EVI5: variants seen among roughly 807,000 people sequenced by gnomAD.
EVI5 encodes the protein ecotropic viral integration site 5 protein homolog.
A neutral mutation model predicts 112.0 loss-of-function variants in EVI5; 73 were observed. That is an observed-to-expected ratio of 0.65 (90% CI 0.54 to 0.79). EVI5 has a LOEUF of 0.79. Ranked by LOEUF, EVI5 falls within the 30% of genes least tolerant of loss-of-function variation. The pLI, the probability that EVI5 is intolerant of heterozygous loss-of-function variation, is 0.00. For missense variants in EVI5, 900 were observed against 968.8 expected (o/e 0.93, Z 0.94); for synonymous variants, 305 against 319.9 (o/e 0.95, Z 0.50).
intron 13 of EVI5, 35 bp downstream of exon 13, chr1:92,662,684 G>A (rs1664224967): frequency 2.6e-6 from 3 of 1,138,944 alleles, no homozygotes; most frequent in Non-Finnish European, 3.3e-6. Flanking sequence ...GAAGGGGGAT[G>A]AGAAAGATGA....
Position 92,637,607 on chromosome 1 carries a change from T to G in EVI5, c.1393-1271A>C, listed in dbSNP as rs561175858. ...TGTAATTCATCATTATAAAATACTT[T>G]CTAAAATAAATTGTCTATCACTTCA... On this transcript the variant is annotated intron_variant, in intron 13 of 19. Transcript: ENST00000684568. Among the ~76,000 whole-genome samples, 21 of 152,298 alleles carry G rather than the reference T, an allele frequency of 1.4e-4. No individual in the cohort carries two copies. The East Asian group carries it at 4.1e-3, about 29-fold the overall frequency.
intron 18 of EVI5, among the ~76,000 whole-genome samples, chr1:92,603,347 G>A (rs867635589): frequency 6.6e-6 from 1 of 152,064 alleles, no homozygotes; most frequent in African/African-American, 2.4e-5. Flanking sequence ...CCACTTCTAC[G>A]TACTCAAAAG....
At chr1:92,583,149 T>C (rs953851757) in intron 18 of EVI5, among the ~76,000 whole-genome samples, 10 of 152,048 alleles carry the variant, frequency 6.6e-5, no homozygotes, top group Admixed American at 5.2e-4. Context: ...TATTCCAGAG[T>C]ATAAATATAC....
At chr1:92,753,527 A>T (rs1356826410) in intron 1 of EVI5, among the ~76,000 whole-genome samples, 2 of 152,256 alleles carry the variant, frequency 1.3e-5, no homozygotes, top group Non-Finnish European at 2.9e-5. Context: ...AGGAATATGA[A>T]GAAATTATTA....
chr1:92,527,086 C>T (rs535145780), intron 19 of EVI5, among the ~76,000 whole-genome samples: 2 of 152,088 alleles, frequency 1.3e-5, no homozygotes, highest in South Asian at 2.1e-4. Context: ...ATAGCAAAAC[C>T]GCTTGAGAAA....
chr1:92,661,537 G>T (rs1188068038), intron 13 of EVI5, among the ~76,000 whole-genome samples: 3 of 151,746 alleles, frequency 2.0e-5, no homozygotes, highest in Non-Finnish European at 4.4e-5. Flanking sequence ...ACTTATTTCA[G>T]GTAAATTCCT....
At chr1:92,760,779 G>T (rs185175921) in intron 1 of EVI5, among the ~76,000 whole-genome samples, 1 of 150,252 alleles carries the variant, frequency 6.7e-6, no homozygotes, top group Non-Finnish European at 1.5e-5. Flanking sequence ...TGAATAGGCC[G>T]GGCGCAGTGG....
At chr1:92,661,999 C>A (rs756134387) in intron 13 of EVI5, among the ~76,000 whole-genome samples, 1 of 151,974 alleles carries the variant, frequency 6.6e-6, no homozygotes, top group Non-Finnish European at 1.5e-5. Flanking sequence ...TGATTAAGAT[C>A]GCCCTTGTCT....
chr1:92,724,628 C>T (rs540245274), intron 2 of EVI5, among the ~76,000 whole-genome samples: 7 of 151,810 alleles, frequency 4.6e-5, no homozygotes, highest in Non-Finnish European at 1.0e-4. Flanking sequence ...GACAACACGG[C>T]GAAACCCCAT....
At chr1:92,692,238 A>G (rs911202954) in intron 9 of EVI5, among the ~76,000 whole-genome samples, 1 of 152,248 alleles carries the variant, frequency 6.6e-6, no homozygotes, top group Admixed American at 6.5e-5. Flanking sequence ...TGGATTGTAC[A>G]TATGACAAGA....
Position 92,702,203 on chromosome 1 carries a change from C to T in EVI5, c.577G>A (p.Val193Ile). 6.6e-7 allele frequency: 1 copy of T among 1,509,280 alleles called. No individual in the cohort carries two copies. Among genetic ancestry groups the T allele is most frequent in the Non-Finnish European group, 8.8e-7 (1 of 1,133,284 alleles). The allele number at this position is 1,509,280 out of a possible 1,614,324, so 93.5% of individuals were successfully genotyped here. Reference sequence around the variant, plus strand: ...TGACAGTAACCAACCTCACGATCTACTAAAGAGTAAGCCTAAAAAGTAAAA... The same window carrying T: ...TGACAGTAACCAACCTCACGATCTATTAAAGAGTAAGCCTAAAAAGTAAAA... ...LFNVMKAYSLVDREVGYCQGS... is the reference protein window; with the variant it reads ...LFNVMKAYSLIDREVGYCQGS... The change falls in exon 5 of 20, where the codon GTA becomes ATA. Residue 193 changes from valine (V) to isoleucine (I), a missense_variant. By Grantham distance (29) the Val-to-Ile change is conservative. Coordinates refer to ENST00000684568, the MANE Select transcript of EVI5 (RefSeq NM_001350197.2).
chr1:92,579,663 C>T (rs114684979), intron 18 of EVI5, among the ~76,000 whole-genome samples: 1,948 of 152,102 alleles, frequency 0.013, 47 homozygotes, highest in African/African-American at 0.043. Flanking sequence ...GGGAGTTCAC[C>T]TTTTGTATAG....
At chr1:92,744,590 TCTCTCTCTCTCACACACACA>T (rs1277545084) in intron 1 of EVI5, among the ~76,000 whole-genome samples, 1 of 62,804 alleles carries the variant, frequency 1.6e-5, no homozygotes, top group African/African-American at 7.5e-5. Context: ...CAAATATCTC[TCTCTCTCTCTCACACACACA>T]CACACACACA....
At position 92,569,028 on chromosome 1, in the gene EVI5, T is replaced by C. The variant is rs191460207; in HGVS notation, c.2071-5291A>G. Among the ~76,000 whole-genome samples the C allele has an allele frequency of 2.6e-5, 4 of 152,278 alleles. No homozygotes were observed. In the East Asian group the frequency reaches 7.7e-4, roughly 29 times the overall value. ...AATCCCTGTGTTGTTCAGGAGTCAA[T>C]GTAGTTTACTCAAACCATTTTCTGT... On this transcript the variant is annotated intron_variant, in intron 18 of 19. Coordinates refer to ENST00000684568, the MANE Select transcript of EVI5 (RefSeq NM_001350197.2).
chr1:92,590,849 A>C (rs1673724769), intron 18 of EVI5, among the ~76,000 whole-genome samples: 1 of 152,248 alleles, frequency 6.6e-6, no homozygotes, highest in African/African-American at 2.4e-5. Context: ...AAAAATGTTA[A>C]GGGCAGCCAG....
At chr1:92,526,069 T>C (rs1385861134) in intron 19 of EVI5, among the ~76,000 whole-genome samples, 1 of 4,192 alleles carries the variant, frequency 2.4e-4, no homozygotes, top group African/African-American at 3.8e-3. Flanking sequence ...TTGTTTTTGT[T>C]TTTTTTTGAG....
intron 18 of EVI5, among the ~76,000 whole-genome samples, chr1:92,566,749 C>G (rs947959273): frequency 6.7e-6 from 1 of 149,210 alleles, no homozygotes; most frequent in Non-Finnish European, 1.5e-5. Flanking sequence ...AGGTAGAAGA[C>G]AGTGATCCTG....
At chr1:92,774,798 T>C (rs1683888149) in intron 1 of EVI5, among the ~76,000 whole-genome samples, 1 of 152,206 alleles carries the variant, frequency 6.6e-6, no homozygotes, top group South Asian at 2.1e-4. Context: ...TTTTGGCCAC[T>C]TAAAAGGATA....
intron 18 of EVI5, among the ~76,000 whole-genome samples, chr1:92,599,848 G>A (rs1400515834): frequency 6.6e-6 from 1 of 152,166 alleles, no homozygotes; most frequent in Non-Finnish European, 1.5e-5. Flanking sequence ...AATGGTGAGA[G>A]ATGAAGCTAC....
Sources: allele counts gnomAD v4.1 joint callset (sites outside exome capture counted in the v4.1 genomes callset), GRCh38; gene constraint gnomAD v4.1.1; transcripts MANE v1.5; gene names NCBI Gene and HGNC (gene_info 2026-07-23, HGNC 2026-07-21).